CEPT1: variants seen among roughly 807,000 people sequenced by gnomAD.
The protein encoded by CEPT1 is choline/ethanolamine phosphotransferase 1.
Under a neutral mutation model 42.6 loss-of-function variants are expected in CEPT1, and 7 were observed. The observed-to-expected ratio is 0.16, with a 90% CI of 0.09 to 0.31. CEPT1 has a LOEUF of 0.31. Ranked by LOEUF, CEPT1 falls within the 10% of genes least tolerant of loss-of-function variation. The probability of loss-of-function intolerance (pLI) is 1.00; values close to 1 mark genes in which losing one functional copy is unlikely to be tolerated. For missense variants in CEPT1, 306 were observed against 502.1 expected (o/e 0.61, Z 3.73); for synonymous variants, 171 against 171.9 (o/e 0.99, Z 0.04).
chr1:111,159,469 C>T lies in CEPT1; in HGVS notation c.429C>T (p.Thr143=), dbSNP rs1655758340. The T allele has an allele frequency of 2.5e-6, 4 of 1,612,742 alleles. No individual in the cohort carries two copies. In the South Asian group the frequency reaches 4.4e-5, roughly 18 times the overall value. ...TTGATGGGAAACAGGCAAGAAGAACCAATAGTAGTTCTCCTCTGGGAGAAC... is the reference window on the plus strand; with the variant it reads ...TTGATGGGAAACAGGCAAGAAGAACTAATAGTAGTTCTCCTCTGGGAGAAC... ...DAIDGKQARR[T]NSSSPLGELF... is the part of the protein sequence containing the mutation. Residue 143 remains threonine (T), a synonymous_variant, in exon 3 of 9, where the codon ACC becomes ACT. Coordinates refer to ENST00000357172, the MANE Select transcript of CEPT1 (RefSeq NM_006090.5).
intron 2 of CEPT1, among the ~76,000 whole-genome samples, chr1:111,155,240 G>A (rs993552127): frequency 2.0e-5 from 3 of 151,932 alleles, no homozygotes; most frequent in Non-Finnish European, 2.9e-5. Context: ...TATCTACTTC[G>A]TCTAGGTTTT....
At chr1:111,181,983 A>G in intron 5 of CEPT1, 1 of 355,864 alleles carries the variant, frequency 2.8e-6, no homozygotes. Flanking sequence ...TGATGGCTGA[A>G]GTGAGATTAA....
At chr1:111,160,181 A>G (rs976504862) in intron 3 of CEPT1, 4 of 152,230 alleles carry the variant, frequency 2.6e-5, no homozygotes, top group Non-Finnish European at 5.9e-5. Context: ...TGTTTGGATT[A>G]TAAGTGATAT....
At chr1:111,183,319 AT>A (rs1657083233) in intron 7 of CEPT1, 142 bp from the exon 8 acceptor site, 3 of 887,540 alleles carry the variant, frequency 3.4e-6, no homozygotes, top group Non-Finnish European at 5.1e-6. Flanking sequence ...CGCATTTCAT[AT>A]TGTTGGGTTT....
At chr1:111,171,925 C>T (rs570272138) in intron 4 of CEPT1, among the ~76,000 whole-genome samples, 5 of 152,180 alleles carry the variant, frequency 3.3e-5, no homozygotes, top group South Asian at 2.1e-4. Context: ...TTAGTAGAGA[C>T]GGGGTTTCTC....
At chr1:111,167,837 T>C (rs2101346449) in intron 4 of CEPT1, 1 of 767,028 alleles carries the variant, frequency 1.3e-6, no homozygotes, top group South Asian at 6.0e-5. Context: ...TTTTGTTTTC[T>C]TTTCAGTAAA....
chr1:111,178,503 A>G (rs973993419), intron 5 of CEPT1: 10 of 151,716 alleles, frequency 6.6e-5, no homozygotes, highest in Non-Finnish European at 1.2e-4. Flanking sequence ...CTTCATGCAT[A>G]AAAGTCAGTG....
chr1:111,144,291 A>G (rs1654831835), intron 1 of CEPT1, among the ~76,000 whole-genome samples: 1 of 152,214 alleles, frequency 6.6e-6, no homozygotes, highest in Non-Finnish European at 1.5e-5. Flanking sequence ...CAAACTCTGT[A>G]TCTATATGAA....
chr1:111,149,055 C>T (rs1053952744), intron 2 of CEPT1, among the ~76,000 whole-genome samples: 1 of 151,866 alleles, frequency 6.6e-6, no homozygotes, highest in African/African-American at 2.4e-5. Context: ...ACCATTCAAC[C>T]CTCTATTCTT....
intron 7 of CEPT1, 56 bp downstream of exon 7, chr1:111,183,013 TA>T: frequency 6.5e-7 from 1 of 1,540,098 alleles, no homozygotes; most frequent in Non-Finnish European, 8.9e-7. Context: ...ATTTTGGATT[TA>T]TGGCTATAGT....
At chr1:111,141,379 C>A (rs1654540727) in intron 1 of CEPT1, among the ~76,000 whole-genome samples, 1 of 152,220 alleles carries the variant, frequency 6.6e-6, no homozygotes, top group African/African-American at 2.4e-5. Flanking sequence ...CCCTGCACAA[C>A]TTGTCTTTCC....
intron 4 of CEPT1, among the ~76,000 whole-genome samples, chr1:111,173,684 TC>T (rs531487135): frequency 1.6e-3 from 247 of 152,236 alleles, no homozygotes; most frequent in African/African-American, 5.7e-3. Flanking sequence ...TATACTATAC[TC>T]CCCAATAGGT....
At chr1:111,146,429 TAA>T (rs1654970435) in intron 1 of CEPT1, among the ~76,000 whole-genome samples, 1 of 152,196 alleles carries the variant, frequency 6.6e-6, no homozygotes. Flanking sequence ...ACAGTACCAG[TAA>T]TCTCTAGCTG....
At chr1:111,167,749 C>G (rs747850106) in intron 4 of CEPT1, 65 of 975,984 alleles carry the variant, frequency 6.7e-5, no homozygotes, top group Non-Finnish European at 7.5e-5. Flanking sequence ...GTTTTTCACT[C>G]TTAGTTGTGC....
At chr1:111,173,461 A>G (rs1335049740) in intron 4 of CEPT1, among the ~76,000 whole-genome samples, 2 of 152,190 alleles carry the variant, frequency 1.3e-5, no homozygotes, top group African/African-American at 4.8e-5. Flanking sequence ...CAGCTTATGT[A>G]TCTTAAACTC....
chr1:111,139,750 G>A (rs1050028672), upstream of CEPT1: 2 of 152,474 alleles, frequency 1.3e-5, no homozygotes, highest in East Asian at 3.9e-4. Context: ...AACCAAGGAA[G>A]AGAACAGAAA....
intron 4 of CEPT1, chr1:111,167,226 A>G (rs1031188308): frequency 6.1e-6 from 6 of 985,326 alleles, no homozygotes; most frequent in East Asian, 1.1e-4. Flanking sequence ...CTGATGTACA[A>G]TGGTGTGAAT....
chr1:111,153,967 ATTTT>A (rs565176547), intron 2 of CEPT1, among the ~76,000 whole-genome samples: 1 of 151,148 alleles, frequency 6.6e-6, no homozygotes, highest in African/African-American at 2.4e-5. Context: ...ACATTTTAGG[ATTTT>A]TTTTCTATTT....
chr1:111,169,493 A>G (rs1261249204), intron 4 of CEPT1, among the ~76,000 whole-genome samples: 4 of 152,168 alleles, frequency 2.6e-5, no homozygotes, highest in Admixed American at 1.3e-4. Context: ...AAAGTACCCT[A>G]TATTTATAGA....
Sources: gnomAD v4.1 joint callset for allele counts (sites outside exome capture counted in the v4.1 genomes callset) on GRCh38, gnomAD v4.1.1 for gene constraint, MANE v1.5 for transcripts, NCBI Gene and HGNC (gene_info 2026-07-23, HGNC 2026-07-21) for gene names.